SLC4A10: variants seen among roughly 807,000 people sequenced by gnomAD.
SLC4A10 encodes the protein sodium-driven chloride bicarbonate exchanger.
A neutral mutation model predicts 137.7 loss-of-function variants in SLC4A10; 42 were observed. That is an observed-to-expected ratio of 0.30 (90% CI 0.24 to 0.39). SLC4A10 has a LOEUF of 0.39. Ranked by LOEUF, SLC4A10 falls within the 10% of genes least tolerant of loss-of-function variation. The pLI, the probability that SLC4A10 is intolerant of heterozygous loss-of-function variation, is 1.00. For synonymous variants in SLC4A10, 474 were observed against 464.1 expected (o/e 1.02, Z -0.27); for missense variants, 925 against 1,355.0 (o/e 0.68, Z 4.98).
chr2:161,983,538 T>C lies in SLC4A10; in HGVS notation c.*386T>C, dbSNP rs1055743154. 1 of 276,708 alleles carries C rather than the reference T, an allele frequency of 3.6e-6. No individual in the cohort carries two copies. The highest frequency in any genetic ancestry group is 2.2e-5 in the African/African-American group (1 of 45,530). The allele number at this position is 276,708 out of a possible 1,614,324, so 17.1% of individuals were successfully genotyped here. A position where few individuals can be genotyped will look rare whatever the true frequency, so the allele number is the denominator to read the frequency against. Reference sequence around the variant, plus strand: ...GAGAGCAATAGCTTCCTTAAAGAGATAAGTCATATTTACCTAGTTTGTATT... The same window carrying C: ...GAGAGCAATAGCTTCCTTAAAGAGACAAGTCATATTTACCTAGTTTGTATT... On this transcript the variant is annotated 3_prime_UTR_variant, in exon 27 of 27. Transcript: ENST00000446997.
chr2:161,855,710 G>T (rs902628421), intron 5 of SLC4A10, among the ~76,000 whole-genome samples: 6 of 151,902 alleles, frequency 3.9e-5, no homozygotes, highest in African/African-American at 1.2e-4. Flanking sequence ...TATTATTACA[G>T]AAATTGAGTC....
chr2:161,719,860 T>C (rs55853910), intron 1 of SLC4A10, among the ~76,000 whole-genome samples: 11,371 of 151,920 alleles, frequency 0.075, 528 homozygotes, highest in East Asian at 0.14. Context: ...TTCACTCTGA[T>C]GGTAGTTTCT....
chr2:161,942,869 A>G lies in SLC4A10; in HGVS notation c.2075A>G (p.Asp692Gly). 2.5e-6 allele frequency: 4 copies of G among 1,600,138 alleles called. No homozygotes were observed. The highest frequency in any genetic ancestry group is 3.4e-6 in the Non-Finnish European group (4 of 1,172,852). The change falls in exon 16 of 27, where the codon GAC (aspartate) becomes GGC (glycine). Residue 692 changes from aspartate (D) to glycine (G), a missense_variant. Transcript: ENST00000446997. ...EWRESNISAS[D>G]IIWENLTVSE... ...AGGGAATCCAATATTTCTGCCTCTG[A>G]CATAATTTGGGAGAACCTAACTGTG...
intron 3 of SLC4A10, among the ~76,000 whole-genome samples, chr2:161,831,568 C>G (rs2058437200): frequency 6.6e-6 from 1 of 151,844 alleles, no homozygotes. Context: ...TTTTTTCTGG[C>G]TAGACTAATA....
At chr2:161,730,921 G>A (rs1308589359) in intron 1 of SLC4A10, among the ~76,000 whole-genome samples, 3 of 152,046 alleles carry the variant, frequency 2.0e-5, no homozygotes, top group Non-Finnish European at 2.9e-5. Flanking sequence ...TCTTTTGCAG[G>A]TTGACCTATA....
chr2:161,675,764 TATAA>T (rs777832828), intron 1 of SLC4A10, among the ~76,000 whole-genome samples: 78 of 152,336 alleles, frequency 5.1e-4, no homozygotes, highest in Non-Finnish European at 2.1e-4. Context: ...ATAGTTCATT[TATAA>T]ATAGTTATTT....
intron 1 of SLC4A10, among the ~76,000 whole-genome samples, chr2:161,677,699 A>G (rs1295347866): frequency 1.3e-5 from 2 of 152,160 alleles, no homozygotes; most frequent in Non-Finnish European, 2.9e-5. Flanking sequence ...ATCTCATTTA[A>G]TCTTCAAAAT....
At chr2:161,739,117 G>A (rs1038685946) in intron 1 of SLC4A10, among the ~76,000 whole-genome samples, 1 of 152,054 alleles carries the variant, frequency 6.6e-6, no homozygotes, top group East Asian at 1.9e-4. Flanking sequence ...GTGGGTGGGT[G>A]GGGGGAACAT....
intron 3 of SLC4A10, among the ~76,000 whole-genome samples, chr2:161,808,221 CT>C (rs1405048881): frequency 1.3e-5 from 2 of 151,986 alleles, no homozygotes; most frequent in African/African-American, 2.4e-5. Flanking sequence ...TAAATTCTTT[CT>C]TCAAATATTC....
chr2:161,716,984 T>C (rs2044986507), intron 1 of SLC4A10, among the ~76,000 whole-genome samples: 1 of 152,172 alleles, frequency 6.6e-6, no homozygotes, highest in Non-Finnish European at 1.5e-5. Context: ...TGAGCAGTGG[T>C]TTGTAGTTCT....
intron 10 of SLC4A10, among the ~76,000 whole-genome samples, chr2:161,892,160 C>T (rs2062991415): frequency 1.3e-5 from 2 of 151,992 alleles, no homozygotes; most frequent in South Asian, 4.1e-4. Flanking sequence ...AATCTGTTGT[C>T]CTGGATGAAT....
chr2:161,765,277 C>T lies in SLC4A10; in HGVS notation c.49-5696C>T, dbSNP rs989990077. ...CCCAAAAAAATTTTAAAACACTGTC[C>T]TATATTACTTACCGGAATTGATTAT... On this transcript the variant is annotated intron_variant, in intron 1 of 26. Transcript: ENST00000446997. 4.6e-5 allele frequency among the ~76,000 whole-genome samples: 7 copies of T among 152,108 alleles called. No homozygotes were observed. The East Asian group carries it at 9.7e-4, about 21-fold the overall frequency.
chr2:161,897,489 C>T (rs988336353), intron 11 of SLC4A10, among the ~76,000 whole-genome samples: 4 of 152,116 alleles, frequency 2.6e-5, no homozygotes, highest in Admixed American at 2.6e-4. Flanking sequence ...GGCAAATGAG[C>T]AGTTGTACCA....
chr2:161,885,306 A>C (rs1312894676), intron 10 of SLC4A10, among the ~76,000 whole-genome samples: 1 of 152,186 alleles, frequency 6.6e-6, no homozygotes, highest in Non-Finnish European at 1.5e-5. Flanking sequence ...AGTGCATTGG[A>C]GTGCATTATC....
chr2:161,825,579 CCT>C (rs372609158), intron 3 of SLC4A10, among the ~76,000 whole-genome samples: 2 of 151,746 alleles, frequency 1.3e-5, no homozygotes, highest in Non-Finnish European at 2.9e-5. Context: ...TATTCCACAC[CCT>C]CTCTCTCTCT....
At chr2:161,639,910 A>G (rs2035034408) in intron 1 of SLC4A10, among the ~76,000 whole-genome samples, 1 of 152,226 alleles carries the variant, frequency 6.6e-6, no homozygotes, top group African/African-American at 2.4e-5. Context: ...GAGCTAGAAC[A>G]TAAGTGCAGT....
intron 8 of SLC4A10, among the ~76,000 whole-genome samples, chr2:161,875,336 C>T (rs1320087588): frequency 2.0e-5 from 3 of 151,978 alleles, no homozygotes; most frequent in Non-Finnish European, 2.9e-5. Context: ...TATTTTAAGT[C>T]TTAATATACA....
chr2:161,764,647 C>T (rs1369767711), intron 1 of SLC4A10, among the ~76,000 whole-genome samples: 1 of 151,918 alleles, frequency 6.6e-6, no homozygotes, highest in African/African-American at 2.4e-5. Flanking sequence ...ATTTTTTTAA[C>T]ATATTCATAA....
At chr2:161,657,478 C>T (rs2037708414) in intron 1 of SLC4A10, among the ~76,000 whole-genome samples, 1 of 151,926 alleles carries the variant, frequency 6.6e-6, no homozygotes, top group South Asian at 2.1e-4. Flanking sequence ...ACCTACTCTT[C>T]ATATTTTATA....
Sources: allele counts gnomAD v4.1 joint callset (sites outside exome capture counted in the v4.1 genomes callset), GRCh38; gene constraint gnomAD v4.1.1; transcripts MANE v1.5; gene names NCBI Gene and HGNC (gene_info 2026-07-23, HGNC 2026-07-21).